SEL1L: variants seen among roughly 807,000 people sequenced by gnomAD.
SEL1L encodes the protein protein sel-1 homolog 1.
Under a neutral mutation model 109.8 loss-of-function variants are expected in SEL1L, and 52 were observed. The ratio of observed to expected loss-of-function variants is 0.47; its 90% CI spans 0.38 to 0.60. The LOEUF is 0.60. Among genes scored for constraint, SEL1L ranks in the 20% least tolerant of loss-of-function variants. The pLI is 0.00. For missense variants in SEL1L, 749 were observed against 962.2 expected (o/e 0.78, Z 2.93); for synonymous variants, 373 against 339.6 (o/e 1.10, Z -1.08).
chr14:81,528,774 T>C (rs773713216), intron 1 of SEL1L, among the ~76,000 whole-genome samples: 6 of 152,190 alleles, frequency 3.9e-5, no homozygotes, highest in Non-Finnish European at 4.4e-5. Context: ...GAAAATTTGC[T>C]ACTATAGTTG....
At chr14:81,500,799 G>A (rs1361038764) in intron 6 of SEL1L, among the ~76,000 whole-genome samples, 1 of 152,040 alleles carries the variant, frequency 6.6e-6, no homozygotes, top group East Asian at 1.9e-4. Flanking sequence ...GAGGTCAAGG[G>A]AAAAAGGCTG....
At chr14:81,506,877 G>A (rs1220992375) in intron 3 of SEL1L, among the ~76,000 whole-genome samples, 2 of 152,206 alleles carry the variant, frequency 1.3e-5, no homozygotes, top group South Asian at 2.1e-4. Context: ...GAAATGAGGT[G>A]CATCAGAGAT....
chr14:81,530,868 C>G (rs1327896253), intron 1 of SEL1L, among the ~76,000 whole-genome samples: 2 of 152,172 alleles, frequency 1.3e-5, no homozygotes, highest in Non-Finnish European at 2.9e-5. Flanking sequence ...AGCTACAAAT[C>G]TGTACAGCAT....
chr14:81,495,317 A>G (rs1883697771), intron 10 of SEL1L, among the ~76,000 whole-genome samples, 180 bp from the exon 11 acceptor site: 1 of 152,218 alleles, frequency 6.6e-6, no homozygotes, highest in Non-Finnish European at 1.5e-5. Flanking sequence ...AAATTTTGAA[A>G]AGTAAAAACG....
In SEL1L at chr14:81,492,533, A is replaced by G. The variant is rs1436122303; in HGVS notation, c.1201T>C (p.Phe401Leu). The change falls in exon 12 of 21, where the codon TTC (phenylalanine) becomes CTC (leucine). Residue 401 changes from phenylalanine (F) to leucine (L), a missense_variant. Physicochemically the swap from Phe to Leu is conservative, Grantham distance 22. Coordinates refer to ENST00000336735, the MANE Select transcript of SEL1L (RefSeq NM_005065.6). The stretch of plus-strand genomic sequence containing the variant: ...TTGCCAGCATTTGCTGCTAAATTGA[A>G]GTAGTCAAATGCTCTCTATGAGAAA... ...EQNHQRAFDY[F>L]NLAANAGNSH... 12 of 1,611,242 alleles carry G rather than the reference A, an allele frequency of 7.4e-6. No individual in the cohort carries two copies. The highest frequency in any genetic ancestry group is 1.0e-5 in the Non-Finnish European group (12 of 1,177,900).
chr14:81,478,999 T>C (rs1356024132), intron 20 of SEL1L, among the ~76,000 whole-genome samples: 1 of 152,158 alleles, frequency 6.6e-6, no homozygotes, highest in African/African-American at 2.4e-5. Context: ...CTAGGAACTA[T>C]AGTACTGGAA....
chr14:81,480,999 G>T (rs1903339281), intron 19 of SEL1L, among the ~76,000 whole-genome samples: 1 of 151,984 alleles, frequency 6.6e-6, no homozygotes, highest in Non-Finnish European at 1.5e-5. Context: ...TTGCCCTGGG[G>T]TGTAGAAACC....
At position 81,502,848 on chromosome 14, in the gene SEL1L, T is replaced by C. The variant is rs764394654; in HGVS notation, c.650A>G (p.Asn217Ser). Reference sequence around the variant, plus strand: ...CACTCTCTCCAGGGCTTTGGTATGGTTCATGCTTGCTGCCTTTTGGAGATA... The same window carrying C: ...CACTCTCTCCAGGGCTTTGGTATGGCTCATGCTTGCTGCCTTTTGGAGATA... ...YRYLQKAASM[N>S]HTKALERVSY... The change falls in exon 6 of 21, where the codon AAC becomes AGC. Residue 217 changes from asparagine (N) to serine (S), a missense_variant. Physicochemically the swap from Asn to Ser is conservative, Grantham distance 46 (BLOSUM62 1). Transcript: ENST00000336735. 6.2e-7 allele frequency: 1 copy of C among 1,613,928 alleles called. No individual in the cohort carries two copies. Among genetic ancestry groups the C allele is most frequent in the East Asian group, 2.2e-5 (1 of 44,872 alleles).
chr14:81,526,523 T>C (rs1486450375), intron 3 of SEL1L, among the ~76,000 whole-genome samples: 2 of 152,262 alleles, frequency 1.3e-5, no homozygotes, highest in Non-Finnish European at 2.9e-5. Context: ...ATCTCATCTA[T>C]TGAATTCAGC....
chr14:81,490,493 G>T, intron 12 of SEL1L, 28 bp from the exon 13 acceptor site: 4 of 1,524,840 alleles, frequency 2.6e-6, no homozygotes, highest in Non-Finnish European at 3.6e-6. Context: ...ATTTCAGTAA[G>T]AGCTGTAACC....
At chr14:81,520,669 G>C (rs970589312) in intron 3 of SEL1L, among the ~76,000 whole-genome samples, 2 of 152,142 alleles carry the variant, frequency 1.3e-5, no homozygotes, top group Non-Finnish European at 2.9e-5. Context: ...TAGAAATATG[G>C]TAAAGAGAGA....
intron 3 of SEL1L, among the ~76,000 whole-genome samples, chr14:81,512,619 G>C (rs934815984): frequency 6.6e-6 from 1 of 152,214 alleles, no homozygotes; most frequent in African/African-American, 2.4e-5. Context: ...AGGAAGAAAG[G>C]GAGAGCTGGA....
Position 81,533,813 on chromosome 14 carries a change from C to T in SEL1L, c.-69G>A, listed in dbSNP as rs985265307. 9.6e-6 allele frequency: 14 copies of T among 1,454,908 alleles called. No individual in the cohort carries two copies. The Admixed American group carries it at 1.7e-4, about 17-fold the overall frequency. 90.1% of individuals were successfully genotyped at this position (1,454,908 alleles called of 1,614,324 possible). A position where few individuals can be genotyped will look rare whatever the true frequency, so the allele number is the denominator to read the frequency against. ...GCCTCTGCCACCACGGACTCAGCCA[C>T]CACCGCCGCCTCGCCGCTGCTCTTC... On this transcript the variant is annotated 5_prime_UTR_variant, in exon 1 of 21. It adds an upstream start codon to the 5' untranslated region. Coordinates refer to ENST00000336735, the MANE Select transcript of SEL1L (RefSeq NM_005065.6).
chr14:81,499,535 C>T lies in SEL1L; in HGVS notation c.832-17G>A, dbSNP rs1041887760. On this transcript the variant is annotated splice_polypyrimidine_tract_variant and intron_variant, in intron 7 of 20. Transcript: ENST00000336735. ...TACAAGAGCCTGTGAAAGAACAAAA[C>T]ATGTTTAACTGAACATAGGCACGCA... 7.5e-6 allele frequency: 12 copies of T among 1,609,596 alleles called. No individual in the cohort carries two copies. The highest frequency in any genetic ancestry group is 1.0e-5 in the Non-Finnish European group (12 of 1,178,860).
At chr14:81,518,694 G>T (rs1266005209) in intron 3 of SEL1L, among the ~76,000 whole-genome samples, 1 of 141,192 alleles carries the variant, frequency 7.1e-6, no homozygotes, top group Non-Finnish European at 1.5e-5. Context: ...AAAAAGATTA[G>T]AAAGGTTAAA....
intron 9 of SEL1L, 140 bp from the exon 10 acceptor site, chr14:81,498,186 G>A (rs1883853046): frequency 4.4e-6 from 4 of 903,782 alleles, no homozygotes; most frequent in South Asian, 1.9e-5. Context: ...TATATAGATC[G>A]CAAATCAGTA....
rs760917401 is a variant in SEL1L, at chr14:81,526,809, T to G, written c.264A>C (p.Thr88=). ...SLKSQEGESV[T]EDISFLESPN... is the part of the protein sequence containing the mutation. Reference sequence around the variant, plus strand: ...GAGACTCTAGAAAGCTGATATCTTCTGTGACACTTTCCCCCTCTTGGCTCT... The same window carrying G: ...GAGACTCTAGAAAGCTGATATCTTCGGTGACACTTTCCCCCTCTTGGCTCT... The change falls in exon 3 of 21, where the codon ACA becomes ACC. Residue 88 remains threonine, a synonymous_variant. Coordinates refer to ENST00000336735, the MANE Select transcript of SEL1L (RefSeq NM_005065.6). 6.2e-7 allele frequency: 1 copy of G among 1,607,662 alleles called. No homozygotes were observed. Among genetic ancestry groups the G allele is most frequent in the Non-Finnish European group, 8.5e-7 (1 of 1,178,138 alleles).
intron 12 of SEL1L, 125 bp from the exon 13 acceptor site, chr14:81,490,590 C>A: frequency 1.4e-6 from 1 of 734,106 alleles, no homozygotes; most frequent in East Asian, 2.6e-5. Flanking sequence ...TTAGAATTCC[C>A]CACAGGATAT....
At chr14:81,513,964 C>T (rs1161185330) in intron 3 of SEL1L, among the ~76,000 whole-genome samples, 1 of 152,176 alleles carries the variant, frequency 6.6e-6, no homozygotes, top group African/African-American at 2.4e-5. Flanking sequence ...TCTATCCTGA[C>T]CCTTGCTTCC....
Sources: gnomAD v4.1 joint callset for allele counts (sites outside exome capture counted in the v4.1 genomes callset) on GRCh38, gnomAD v4.1.1 for gene constraint, MANE v1.5 for transcripts, NCBI Gene and HGNC (gene_info 2026-07-23, HGNC 2026-07-21) for gene names.